Variants in PDGFD observed in about 807,000 individuals in gnomAD.
PDGFD encodes the protein platelet derived growth factor D, also known as platelet-derived growth factor D.
PDGFD carries 30 observed loss-of-function variants against 44.7 expected under a neutral mutation model. The observed-to-expected ratio is 0.67, with a 90% CI of 0.50 to 0.91. The LOEUF (loss-of-function observed/expected upper bound fraction) is 0.91. Ranked by LOEUF, PDGFD falls within the 40% of genes least tolerant of loss-of-function variation. PDGFD has a pLI of 0.00. For synonymous variants in PDGFD, 173 were observed against 168.4 expected (o/e 1.03, Z -0.21); for missense variants, 445 against 457.8 (o/e 0.97, Z 0.25).
At position 104,142,635 on chromosome 11, in the gene PDGFD, T is replaced by C. The variant is rs566788235; in HGVS notation, c.124+21169A>G. On this transcript the variant is annotated intron_variant, in intron 1 of 6. Coordinates refer to ENST00000393158, the MANE Select transcript of PDGFD (RefSeq NM_025208.5). The stretch of plus-strand genomic sequence containing the variant: ...TCTCTAAGTTTCCAAATTCTTGATT[T>C]GGCTAAATGAGAATTGGAGATGTGA... Among the ~76,000 whole-genome samples, 50 of 152,338 alleles carry C rather than the reference T, an allele frequency of 3.3e-4. No individual in the cohort carries two copies. The South Asian group carries it at 0.01, about 32-fold the overall frequency.
At chr11:103,941,897 A>G (rs1270790535) in intron 5 of PDGFD, among the ~76,000 whole-genome samples, 1 of 152,032 alleles carries the variant, frequency 6.6e-6, no homozygotes, top group African/African-American at 2.4e-5. Flanking sequence ...ACTTTCTTTT[A>G]AGTTGACCTA....
intron 4 of PDGFD, 110 bp downstream of exon 4, chr11:103,947,552 C>T: frequency 1.3e-6 from 1 of 781,930 alleles, no homozygotes; most frequent in Admixed American, 1.9e-5. Context: ...TGTTTGAGAT[C>T]TAGCTTTTGA....
chr11:103,947,586 G>A, intron 4 of PDGFD, 76 bp downstream of exon 4: 2 of 1,113,942 alleles, frequency 1.8e-6, no homozygotes, highest in South Asian at 1.2e-5. Context: ...CCTTAATGCA[G>A]GTGAAGTCCT....
intron 3 of PDGFD, among the ~76,000 whole-genome samples, chr11:103,950,008 G>C (rs1330413369): frequency 6.6e-6 from 1 of 152,156 alleles, no homozygotes; most frequent in Non-Finnish European, 1.5e-5. Context: ...GTGCGTTTGA[G>C]AAGCCTACAC....
intron 1 of PDGFD, among the ~76,000 whole-genome samples, chr11:104,119,802 T>C (rs1216993633): frequency 1.7e-5 from 2 of 116,820 alleles, no homozygotes. Flanking sequence ...TTATATATTA[T>C]ATATAATATA....
chr11:104,083,507 T>C lies in PDGFD; in HGVS notation c.124+80297A>G, dbSNP rs532034810. On this transcript the variant is annotated intron_variant, in intron 1 of 6. Coordinates refer to ENST00000393158, the MANE Select transcript of PDGFD (RefSeq NM_025208.5). ...ACTCTATAGCTAGTGCTAGTATCACTAGATTTCTTCACAACACAAAAGTAT... is the reference window on the plus strand; with the variant it reads ...ACTCTATAGCTAGTGCTAGTATCACCAGATTTCTTCACAACACAAAAGTAT... Among the ~76,000 whole-genome samples the C allele has an allele frequency of 2.1e-4, 32 of 152,316 alleles. No individual in the cohort carries two copies. The South Asian group carries it at 6.2e-3, about 30-fold the overall frequency.
chr11:103,954,001 C>T (rs1048802941), intron 3 of PDGFD, among the ~76,000 whole-genome samples: 2 of 151,626 alleles, frequency 1.3e-5, no homozygotes, highest in African/African-American at 4.8e-5. Context: ...AACAATTTAC[C>T]CACTGAATTG....
intron 3 of PDGFD, among the ~76,000 whole-genome samples, chr11:103,959,741 T>C (rs1858908654): frequency 6.6e-6 from 1 of 152,148 alleles, no homozygotes; most frequent in South Asian, 2.1e-4. Context: ...AAAAATACTG[T>C]TGCCAAACAC....
chr11:104,014,967 T>G (rs746843950), intron 1 of PDGFD, among the ~76,000 whole-genome samples: 4 of 152,180 alleles, frequency 2.6e-5, no homozygotes, highest in Non-Finnish European at 5.9e-5. Context: ...GTGAATAAAT[T>G]CATGCTTTCA....
chr11:104,004,406 T>G (rs565267137), intron 1 of PDGFD, among the ~76,000 whole-genome samples: 14 of 152,320 alleles, frequency 9.2e-5, no homozygotes, highest in Admixed American at 3.9e-4. Flanking sequence ...TTACATAGCA[T>G]TTATACTGTT....
intron 1 of PDGFD, among the ~76,000 whole-genome samples, chr11:104,044,966 G>A (rs1343327426): frequency 6.6e-6 from 1 of 151,982 alleles, no homozygotes; most frequent in Admixed American, 6.6e-5. Context: ...CGAACCCGGG[G>A]GGCGGAGCTT....
intron 1 of PDGFD, among the ~76,000 whole-genome samples, chr11:104,023,272 G>A (rs896951958): frequency 6.6e-6 from 1 of 152,064 alleles, no homozygotes; most frequent in African/African-American, 2.4e-5. Flanking sequence ...ACATCTTTCT[G>A]AACTACAAAC....
At chr11:103,957,554 A>G (rs1858871957) in intron 3 of PDGFD, among the ~76,000 whole-genome samples, 1 of 152,200 alleles carries the variant, frequency 6.6e-6, no homozygotes, top group African/African-American at 2.4e-5. Context: ...GCCCTCAGAA[A>G]TAATGCCGCA....
intron 5 of PDGFD, among the ~76,000 whole-genome samples, chr11:103,934,179 CA>C (rs896917111): frequency 1.3e-5 from 2 of 152,116 alleles, no homozygotes; most frequent in Admixed American, 6.5e-5. Flanking sequence ...TTTTACTATG[CA>C]AAATGGGAAT....
At chr11:103,982,268 AT>A (rs560861203) in intron 3 of PDGFD, among the ~76,000 whole-genome samples, 6 of 151,660 alleles carry the variant, frequency 4.0e-5, no homozygotes, top group Non-Finnish European at 5.9e-5. Context: ...TTGGGGATAG[AT>A]TTTTTTGCTT....
At chr11:104,071,462 G>C (rs912776346) in intron 1 of PDGFD, among the ~76,000 whole-genome samples, 1 of 150,704 alleles carries the variant, frequency 6.6e-6, no homozygotes, top group Non-Finnish European at 1.5e-5. Context: ...TATATAAATT[G>C]TTTATGCTTG....
In PDGFD at chr11:103,909,758, A is replaced by C. The variant is rs146503586; in HGVS notation, c.1049T>G (p.Val350Gly). The C allele has an allele frequency of 6.2e-7, 1 of 1,613,938 alleles. No homozygotes were observed. The highest frequency in any genetic ancestry group is 8.5e-7 in the Non-Finnish European group (1 of 1,179,794). Residue 350 changes from valine (V) to glycine (G), a missense_variant, in exon 7 of 7, where the codon GTT (valine) becomes GGT (glycine). Transcript: ENST00000393158. The part of the protein sequence containing the change: ...RRGRAKTMAL[V>G]DIQLDHHERC... The stretch of plus-strand genomic sequence containing the variant: ...TTCATGGTGATCCAACTGGATGTCA[A>C]CTAGAGCCATGGTCTTAGCTCTACC...
intron 1 of PDGFD, among the ~76,000 whole-genome samples, chr11:104,114,430 T>C (rs774991523): frequency 6.6e-6 from 1 of 152,092 alleles, no homozygotes; most frequent in Non-Finnish European, 1.5e-5. Context: ...TTCTGTGCTC[T>C]CTATTCCGTT....
chr11:103,970,111 G>A (rs1859081351), intron 3 of PDGFD, among the ~76,000 whole-genome samples: 1 of 152,022 alleles, frequency 6.6e-6, no homozygotes, highest in Admixed American at 6.6e-5. Flanking sequence ...ATAGGGCCCT[G>A]GTTAGGGCAG....
Sources: gnomAD v4.1 joint callset for allele counts (sites outside exome capture counted in the v4.1 genomes callset) on GRCh38, gnomAD v4.1.1 for gene constraint, MANE v1.5 for transcripts, NCBI Gene and HGNC (gene_info 2026-07-23, HGNC 2026-07-21) for gene names.